CSMD1: variants seen among roughly 807,000 people sequenced by gnomAD.
The protein encoded by CSMD1 is CUB and Sushi multiple domains 1.
CSMD1 carries 213 observed loss-of-function variants against 417.5 expected under a neutral mutation model. The ratio of observed to expected loss-of-function variants is 0.51; its 90% CI spans 0.46 to 0.57. The LOEUF (loss-of-function observed/expected upper bound fraction) is 0.57. CSMD1 is among the 20% of genes least tolerant of loss of function. CSMD1 has a pLI of 0.00. For synonymous variants in CSMD1, 2,862 were observed against 1,736.8 expected, an observed-to-expected ratio of 1.65 and a Z score of -16.11; for missense variants, 6,923 against 4,529.7, an observed-to-expected ratio of 1.53 and a Z score of -15.17.
At chr8:3,238,292 T>G (rs1156682393) in intron 26 of CSMD1, among the ~76,000 whole-genome samples, 1 of 151,992 alleles carries the variant, frequency 6.6e-6, no homozygotes, top group Non-Finnish European at 1.5e-5. Context: ...AACAGGCCAT[T>G]TTCACTTCTT....
intron 2 of CSMD1, among the ~76,000 whole-genome samples, chr8:4,585,444 G>C (rs974083601): frequency 1.3e-5 from 2 of 152,074 alleles, no homozygotes; most frequent in Non-Finnish European, 2.9e-5. Context: ...TGGAATATGG[G>C]CAAAATAATA....
chr8:4,689,464 T>G (rs1362839278), intron 1 of CSMD1, among the ~76,000 whole-genome samples: 2 of 152,068 alleles, frequency 1.3e-5, no homozygotes, highest in African/African-American at 4.8e-5. Flanking sequence ...TAGAAGGATT[T>G]GTGGGGAAAA....
intron 10 of CSMD1, among the ~76,000 whole-genome samples, chr8:3,568,583 ATG>A (rs994504212): frequency 1.5e-4 from 23 of 152,292 alleles, no homozygotes; most frequent in African/African-American, 5.5e-4. Context: ...TGTATTTAAA[ATG>A]TGTGTGTATA....
intron 3 of CSMD1, among the ~76,000 whole-genome samples, chr8:4,210,094 C>T (rs1263697909): frequency 6.6e-6 from 1 of 152,184 alleles, no homozygotes; most frequent in Non-Finnish European, 1.5e-5. Context: ...AGCCCTGTAC[C>T]AGGAGAGCTC....
intron 2 of CSMD1, among the ~76,000 whole-genome samples, chr8:4,517,304 G>T (rs1001839364): frequency 4.6e-5 from 7 of 152,170 alleles, no homozygotes; most frequent in African/African-American, 1.7e-4. Context: ...TGTCGTGAGG[G>T]TCAGGCAGGC....
intron 26 of CSMD1, among the ~76,000 whole-genome samples, chr8:3,249,088 C>T (rs563896662): frequency 2.0e-5 from 3 of 152,050 alleles, no homozygotes; most frequent in East Asian, 1.9e-4. Flanking sequence ...AAATGTTTGT[C>T]GAATGAAGTG....
intron 7 of CSMD1, among the ~76,000 whole-genome samples, chr8:3,708,026 T>A (rs1197763463): frequency 3.9e-5 from 6 of 152,166 alleles, no homozygotes; most frequent in Non-Finnish European, 5.9e-5. Context: ...TCAATAATAT[T>A]TCAATAGACA....
At chr8:4,354,068 G>A (rs1413611811) in intron 3 of CSMD1, among the ~76,000 whole-genome samples, 1 of 152,144 alleles carries the variant, frequency 6.6e-6, no homozygotes, top group African/African-American at 2.4e-5. Flanking sequence ...TATCATTTCA[G>A]AAATCTGCAT....
intron 49 of CSMD1, among the ~76,000 whole-genome samples, chr8:3,067,163 T>C (rs1325430470): frequency 1.3e-5 from 2 of 152,048 alleles, no homozygotes; most frequent in Admixed American, 6.6e-5. Flanking sequence ...TGTCTGAGAG[T>C]GTCAGCCAAC....
intron 10 of CSMD1, among the ~76,000 whole-genome samples, chr8:3,529,563 C>G (rs1472127433): frequency 6.6e-6 from 1 of 152,152 alleles, no homozygotes; most frequent in Non-Finnish European, 1.5e-5. Flanking sequence ...CAAGACCACA[C>G]AATGGAAGAG....
chr8:4,017,492 G>A (rs1056526809), intron 4 of CSMD1, among the ~76,000 whole-genome samples: 5 of 151,984 alleles, frequency 3.3e-5, no homozygotes, highest in African/African-American at 1.2e-4. Context: ...TTTTAGTAGA[G>A]ACGGGGTTTC....
intron 31 of CSMD1, among the ~76,000 whole-genome samples, chr8:3,204,151 G>A (rs1017884538): frequency 2.0e-5 from 3 of 152,210 alleles, no homozygotes; most frequent in African/African-American, 7.2e-5. Flanking sequence ...CTTTCTGCCA[G>A]ATAGGATGTG....
At chr8:3,272,051 T>C in intron 26 of CSMD1, among the ~76,000 whole-genome samples, 1 of 151,030 alleles carries the variant, frequency 6.6e-6, no homozygotes, top group Non-Finnish European at 1.5e-5. Flanking sequence ...TTCTAGGGTT[T>C]TTATGGTTTT....
At chr8:4,850,382 C>CTTTTTTTTTTTTTTTTTTTTTT in intron 1 of CSMD1, among the ~76,000 whole-genome samples, 1 of 77,826 alleles carries the variant, frequency 1.3e-5, no homozygotes, top group African/African-American at 5.2e-5. Context: ...TCCAATTTAT[C>CTTTTTTTTTTTTTTTTTTTTTT]TTTTTTTTTT....
At chr8:3,202,511 T>C (rs1797042273) in intron 31 of CSMD1, among the ~76,000 whole-genome samples, 1 of 152,222 alleles carries the variant, frequency 6.6e-6, no homozygotes, top group Non-Finnish European at 1.5e-5. Flanking sequence ...TGATGCTGTG[T>C]ATTCAGATTG....
intron 2 of CSMD1, among the ~76,000 whole-genome samples, chr8:4,509,621 C>T (rs751157617): frequency 1.3e-5 from 2 of 152,126 alleles, no homozygotes; most frequent in Non-Finnish European, 2.9e-5. Flanking sequence ...ACCCTGCAGA[C>T]CATTATCATC....
At chr8:3,007,486 G>A (rs1808031777) in intron 52 of CSMD1, among the ~76,000 whole-genome samples, 2 of 151,364 alleles carry the variant, frequency 1.3e-5, no homozygotes, top group South Asian at 4.2e-4. Flanking sequence ...GTTTATTGCG[G>A]CATTATTCAC....
intron 7 of CSMD1, among the ~76,000 whole-genome samples, chr8:3,672,787 G>C (rs867539340): frequency 1.3e-5 from 2 of 152,124 alleles, no homozygotes; most frequent in African/African-American, 4.8e-5. Context: ...CTTCTCCTGG[G>C]AGAACCCTTT....
At chr8:3,974,674 CTTT>C (rs35314971) in intron 5 of CSMD1, among the ~76,000 whole-genome samples, 1 of 147,570 alleles carries the variant, frequency 6.8e-6, no homozygotes, top group Non-Finnish European at 1.5e-5. Flanking sequence ...GCGTGCAGCT[CTTT>C]TTTTTTTTAC....
Sources: allele counts gnomAD v4.1 joint callset (sites outside exome capture counted in the v4.1 genomes callset), GRCh38; gene constraint gnomAD v4.1.1; transcripts MANE v1.5; gene names NCBI Gene and HGNC (gene_info 2026-07-23, HGNC 2026-07-21).